Variants in THBS3 observed in about 807,000 individuals in gnomAD.
THBS3 encodes thrombospondin-3.
In THBS3, 78 loss-of-function variants were observed where a neutral mutation model predicts 118.3. The ratio of observed to expected loss-of-function variants is 0.66; its 90% CI spans 0.55 to 0.80. The LOEUF (loss-of-function observed/expected upper bound fraction) is 0.80. Among genes scored for constraint, THBS3 ranks in the 30% least tolerant of loss-of-function variants. The pLI, the probability that THBS3 is intolerant of heterozygous loss-of-function variation, is 0.00. For missense variants in THBS3, 1,057 were observed against 1,247.4 expected (o/e 0.85, Z 2.30); for synonymous variants, 427 against 475.3 (o/e 0.90, Z 1.32).
rs758540263 is a variant in THBS3 at position 155,205,279 on chromosome 1, G to A, written c.324C>T (p.His108=). 33 of 1,613,918 alleles carry A rather than the reference G, an allele frequency of 2.0e-5. No individual in the cohort carries two copies. The highest frequency in any genetic ancestry group is 8.8e-5 in the South Asian group (8 of 91,092). Residue 108 remains histidine, a synonymous_variant, in exon 3 of 23, where the codon CAC becomes CAT. Coordinates refer to ENST00000368378, the MANE Select transcript of THBS3 (RefSeq NM_007112.5). ...GGCCCGCTTGCTGTAGGTTCACGGCGTGGACTTTGCCATCCTCCCGCTGGT... is the reference window on the plus strand; with the variant it reads ...GGCCCGCTTGCTGTAGGTTCACGGCATGGACTTTGCCATCCTCCCGCTGGT... ...VRYQREDGKV[H]AVNLQQAGLA...
At position 155,205,321 on chromosome 1, in the gene THBS3, C is replaced by A; in HGVS notation, c.287-5G>T. 6.2e-7 allele frequency: 1 copy of A among 1,612,558 alleles called. No homozygotes were observed. On this transcript the variant is annotated splice_polypyrimidine_tract_variant and splice_region_variant and intron_variant, in intron 2 of 22. Transcript: ENST00000368378. ...CCCGCTGGTATCGCACCAGTACTGC[C>A]CAGGAGGGGAGATCAGTATGGGCGC...
In THBS3 at chr1:155,197,672, TG is replaced by T; in HGVS notation, c.2303-14del. On this transcript the variant is annotated splice_polypyrimidine_tract_variant and intron_variant, in intron 19 of 22. Transcript: ENST00000368378. This position sits in a 1 kb window ranked among gnomAD's most constrained non-coding sequence, Gnocchi z 5.0. Reference sequence around the variant, plus strand: ...AAGGCCGTGTATCCTGGGGTGGGGGTGGGATAAAGGTCAGGGGCAGCAAAGC... The same window carrying T: ...AAGGCCGTGTATCCTGGGGTGGGGGTGGATAAAGGTCAGGGGCAGCAAAGC... The T allele has an allele frequency of 9.9e-7, 1 of 1,012,666 alleles. No homozygotes were observed. Among genetic ancestry groups the T allele is most frequent in the Non-Finnish European group, 1.4e-6 (1 of 705,294 alleles). 62.7% of individuals were successfully genotyped at this position (1,012,666 alleles called of 1,614,324 possible).
At chr1:155,204,811 A>C (rs1337382488) in intron 4 of THBS3, 44 bp downstream of exon 4, 1 of 1,575,692 alleles carries the variant, frequency 6.3e-7, no homozygotes, top group African/African-American at 1.3e-5. Context: ...ACCAAAGGCC[A>C]CAGGATCCGT....
chr1:155,201,363 C>A (rs1669693232), intron 11 of THBS3, 54 bp downstream of exon 11: 1 of 1,570,766 alleles, frequency 6.4e-7, no homozygotes, highest in Non-Finnish European at 8.6e-7. Flanking sequence ...AAACATAGCC[C>A]TACTCCTTTC....
At position 155,207,867 on chromosome 1, in the gene THBS3, G is replaced by A. The variant is rs142263139; in HGVS notation, c.10C>T (p.Gln4Ter). ...AGAGCCAGGGCCCCCCGAAGTTCCT[G>A]CGTCTCCATGCCTCTCAGCCGGCTC... MET[Q>*]ELRGALALLL... is the part of the protein sequence containing the mutation. Residue 4 changes from glutamine (Q) to a stop codon, truncating the protein, a stop_gained, in exon 1 of 23, where the codon CAG becomes TAG. Transcript: ENST00000368378. LOFTEE classifies it high-confidence loss of function. The A allele has an allele frequency of 1.2e-6, 2 of 1,613,836 alleles. No individual in the cohort carries two copies. Among genetic ancestry groups the A allele is most frequent in the Non-Finnish European group, 8.5e-7 (1 of 1,180,008 alleles).
Position 155,203,595 on chromosome 1 carries a change from G to A in THBS3, c.647-56C>T, listed in dbSNP as rs1670128008. ...GGTGAGGTGAAGTGAAGAGAGGCCTGGTTGGTGAGAAGGAGGAAGGAAGGT... is the reference window on the plus strand; with the variant it reads ...GGTGAGGTGAAGTGAAGAGAGGCCTAGTTGGTGAGAAGGAGGAAGGAAGGT... On this transcript the variant is annotated intron_variant, in intron 4 of 22. Coordinates refer to ENST00000368378, the MANE Select transcript of THBS3 (RefSeq NM_007112.5). 4 of 1,603,692 alleles carry A rather than the reference G, an allele frequency of 2.5e-6. No individual in the cohort carries two copies. The South Asian group carries it at 3.3e-5, about 13-fold the overall frequency.
At position 155,205,192 on chromosome 1, in the gene THBS3, A is replaced by G; in HGVS notation, c.411T>C (p.Pro137=). The G allele has an allele frequency of 6.2e-7, 1 of 1,614,234 alleles. No homozygotes were observed. The highest frequency in any genetic ancestry group is 8.5e-7 in the Non-Finnish European group (1 of 1,180,042). The part of the protein sequence containing the change: ...LRLRGPSRPS[P]ALHLYVDCKL... ...TGCAGTCCACGTAGAGATGTAGGGC[A>G]GGGCTGGGTCTGGAGGGACCTCGGA... The change falls in exon 3 of 23, where the codon CCT becomes CCC. Residue 137 remains proline, a synonymous_variant. Transcript: ENST00000368378.
In THBS3 at chr1:155,206,180, A is replaced by C; in HGVS notation, c.286+20T>G. The stretch of plus-strand genomic sequence containing the variant: ...CTTAAGGAGGTCACCATTGCAAGAA[A>C]GGAGATGCCCACCAGTCACCTTTGT... On this transcript the variant is annotated intron_variant, in intron 2 of 22. Coordinates refer to ENST00000368378, the MANE Select transcript of THBS3 (RefSeq NM_007112.5). The surrounding 1 kb of genome is among the most constrained non-coding windows in gnomAD (Gnocchi z 4.2). The C allele has an allele frequency of 6.2e-7, 1 of 1,612,706 alleles. No homozygotes were observed.
At chr1:155,200,203 C>A in intron 14 of THBS3, 90 bp from the exon 15 acceptor site, 1 of 1,237,518 alleles carries the variant, frequency 8.1e-7, no homozygotes, top group Non-Finnish European at 1.1e-6. Flanking sequence ...TGTCTCCCCA[C>A]CCAGAGGACA....
Position 155,201,444 on chromosome 1 carries a change from A to C in THBS3, c.1302T>G (p.Phe434Leu). The C allele has an allele frequency of 6.2e-7, 1 of 1,611,814 alleles. No individual in the cohort carries two copies. Among genetic ancestry groups the C allele is most frequent in the Non-Finnish European group, 8.5e-7 (1 of 1,178,770 alleles). ...GGCAGGACACTGCACCATTGCGTTC[A>C]AAGAGACAGTGAGCATGGATGTGGC... ...SPCHIHAHCL[F>L]ERNGAVSCQC... Residue 434 changes from phenylalanine (F) to leucine (L), a missense_variant, in exon 11 of 23, where the codon TTT becomes TTG. Physicochemically the swap from Phe to Leu is conservative, Grantham distance 22. Transcript: ENST00000368378.
intron 4 of THBS3, 36 bp from the exon 5 acceptor site, chr1:155,203,575 G>C: frequency 1.2e-6 from 2 of 1,612,384 alleles, no homozygotes; most frequent in Non-Finnish European, 1.7e-6. Flanking sequence ...AGAGGGGTGA[G>C]GTGAAGTGAA....
chr1:155,203,955 C>T (rs539503870), intron 4 of THBS3, among the ~76,000 whole-genome samples: 45 of 152,030 alleles, frequency 3.0e-4, no homozygotes, highest in African/African-American at 8.2e-4. Context: ...CTCCTGCCTC[C>T]GCCTCCCAAG....
In THBS3 at chr1:155,202,928, T is replaced by C; in HGVS notation, c.841A>G (p.Asn281Asp). The C allele has an allele frequency of 6.2e-7, 1 of 1,613,954 alleles. No individual in the cohort carries two copies. The highest frequency in any genetic ancestry group is 1.6e-4 in the Middle Eastern group (1 of 6,062). The change falls in exon 8 of 23, where the codon AAT becomes GAT. Residue 281 changes from asparagine to aspartate, a missense_variant. Asn to Asp is a conservative substitution (Grantham distance 23, BLOSUM62 1). Transcript: ENST00000368378. This position sits in a 1 kb window ranked among gnomAD's most constrained non-coding sequence, Gnocchi z 5.5. ...FHEQRSHCSP[N>D]PCFRGVDCME... ...CAGTCCACACCTCGGAAGCAGGGAT[T>C]GGGGCTGCAGTGGGAACGCTGCTCA...
chr1:155,195,890 G>A lies in THBS3; in HGVS notation c.2822C>T (p.Pro941Leu), dbSNP rs762082117. Reference sequence around the variant, plus strand: ...CCTCCGGAATGGCTCAAAGTCCTCAGGCACTGTGTCTGAAGAAGGGGAAAT... The same window carrying A: ...CCTCCGGAATGGCTCAAAGTCCTCAAGCACTGTGTCTGAAGAAGGGGAAAT... Reference protein sequence around the residue: ...NLQYRCNDTVPEDFEPFRRQL... With the variant: ...NLQYRCNDTVLEDFEPFRRQL... Residue 941 changes from proline to leucine, a missense_variant, in exon 23 of 23, where the codon CCT (proline) becomes CTT (leucine). This residue lies in a region of THBS3 where 307 missense variants were observed against 326.1 expected (regional missense o/e 0.94). Coordinates refer to ENST00000368378, the MANE Select transcript of THBS3 (RefSeq NM_007112.5). The A allele has an allele frequency of 1.5e-5, 24 of 1,614,036 alleles. No homozygotes were observed. Among genetic ancestry groups the A allele is most frequent in the Non-Finnish European group, 1.8e-5 (21 of 1,180,038 alleles).
intron 13 of THBS3, 93 bp from the exon 14 acceptor site, chr1:155,200,703 AC>A: frequency 3.2e-6 from 5 of 1,568,950 alleles, no homozygotes; most frequent in Non-Finnish European, 3.5e-6. Context: ...TTCTAAGATC[AC>A]ACCCTTGTGA....
intron 15 of THBS3, 40 bp downstream of exon 15, chr1:155,199,955 G>A (rs745635074): frequency 6.2e-7 from 1 of 1,607,664 alleles, no homozygotes; most frequent in East Asian, 2.2e-5. Context: ...TCATCCATCA[G>A]TACCCTCATC....
chr1:155,197,752 G>A lies in THBS3; in HGVS notation c.2303-93C>T, dbSNP rs1668930203. ...GGGAAGGGATGCCTGCTATGTATGT[G>A]GCCAGCTTGTGCCACTGCCTTCTCT... is the stretch of plus-strand genomic sequence containing the variant. On this transcript the variant is annotated intron_variant, in intron 19 of 22. Coordinates refer to ENST00000368378, the MANE Select transcript of THBS3 (RefSeq NM_007112.5). The surrounding 1 kb of genome is among the most constrained non-coding windows in gnomAD (Gnocchi z 5.0). 1.3e-6 allele frequency: 2 copies of A among 1,588,704 alleles called. No homozygotes were observed. Among genetic ancestry groups the A allele is most frequent in the Non-Finnish European group, 1.7e-6 (2 of 1,159,556 alleles).
rs1557878988 is a variant in THBS3 at position 155,206,302 on chromosome 1, AG to A, written c.183del (p.Phe62SerfsTer29). 2 of 1,614,174 alleles carry A rather than the reference AG, an allele frequency of 1.2e-6. No individual in the cohort carries two copies. Among genetic ancestry groups the A allele is most frequent in the Non-Finnish European group, 1.7e-6 (2 of 1,180,024 alleles). On this transcript the variant is annotated frameshift_variant, in exon 2 of 23. Coordinates refer to ENST00000368378, the MANE Select transcript of THBS3 (RefSeq NM_007112.5). LOFTEE classifies it high-confidence loss of function. The surrounding 1 kb of genome is among the most constrained non-coding windows in gnomAD (Gnocchi z 4.2). Reference sequence around the variant, plus strand: ...CCACCCTGCTTGGGGGGCAGGCGGAAGGTGGATAAGAGGTAGATGTCCCCAG... The same window carrying A: ...CCACCCTGCTTGGGGGGCAGGCGGAAGTGGATAAGAGGTAGATGTCCCCAG... ...LTAGDIYLLSTFRLPPKQGGV... is the reference protein window; with the variant it reads ...LTAGDIYLLSXFRLPPKQGGV...
rs1368838517 is a variant in THBS3, at chr1:155,195,982, C to G, written c.2812+5G>C. The G allele has an allele frequency of 1.9e-6, 3 of 1,614,108 alleles. No individual in the cohort carries two copies. ...GATTAGGTTGATCTCAATCAGCCACCTCACCATTGCATCGATACTGGAGAT... is the reference window on the plus strand; with the variant it reads ...GATTAGGTTGATCTCAATCAGCCACGTCACCATTGCATCGATACTGGAGAT... On this transcript the variant is annotated splice_donor_5th_base_variant and intron_variant, in intron 22 of 22. Transcript: ENST00000368378.
Sources: allele counts gnomAD v4.1 joint callset (sites outside exome capture counted in the v4.1 genomes callset), GRCh38; gene constraint gnomAD v4.1.1; regional missense constraint gnomAD v4.1.1; non-coding constraint Gnocchi (gnomAD v3.1); transcripts MANE v1.5; gene names NCBI Gene and HGNC (gene_info 2026-07-23, HGNC 2026-07-21).